The following NME5 variants were observed in gnomAD, a reference collection of about 807,000 sequenced individuals.
NME5 encodes NME/NM23 family member 5.
Under a neutral mutation model 21.6 loss-of-function variants are expected in NME5, and 18 were observed. That is an observed-to-expected ratio of 0.83 (90% confidence interval 0.58 to 1.24). The LOEUF (loss-of-function observed/expected upper bound fraction) is 1.24. NME5 is among the 50% of genes most tolerant of loss of function. The pLI, the probability that NME5 is intolerant of heterozygous loss-of-function variation, is 0.00. For synonymous variants in NME5, 70 were observed against 80.6 expected, an observed-to-expected ratio of 0.87 and a Z score of 0.71; for missense variants, 223 against 255.4, an observed-to-expected ratio of 0.87 and a Z score of 0.86.
intron 1 of NME5, 88 bp downstream of exon 1, chr5:138,139,283 G>A: frequency 1.2e-6 from 1 of 803,980 alleles, no homozygotes; most frequent in Non-Finnish European, 1.5e-6. Context: ...ATAGGGTCAG[G>A]CTAATTGAAA....
chr5:138,134,729 CT>C (rs112868350), intron 2 of NME5, among the ~76,000 whole-genome samples: 130 of 141,492 alleles, frequency 9.2e-4, no homozygotes, highest in African/African-American at 1.1e-3. Flanking sequence ...AAGTTTGTCA[CT>C]TTTTTTTTTT....
At chr5:138,137,193 G>C (rs1027319434) in intron 2 of NME5, among the ~76,000 whole-genome samples, 2 of 152,044 alleles carry the variant, frequency 1.3e-5, no homozygotes, top group Non-Finnish European at 2.9e-5. Context: ...TTATTTACCT[G>C]AGTCTTTAAT....
At chr5:138,123,985 CTTTTT>C (rs70979583) in intron 4 of NME5, among the ~76,000 whole-genome samples, 1 of 37,212 alleles carries the variant, frequency 2.7e-5, no homozygotes, top group African/African-American at 1.3e-4. Flanking sequence ...ATTTTGAGCA[CTTTTT>C]TTTTTTTTTT....
At chr5:138,129,157 A>T in intron 3 of NME5, 106 bp downstream of exon 3, 1 of 955,564 alleles carries the variant, frequency 1.0e-6, no homozygotes, top group Non-Finnish European at 1.6e-6. Context: ...ATTTTGGAAA[A>T]CTTCCAAATA....
In NME5 at chr5:138,138,795, G is replaced by A; in HGVS notation, c.-5-10C>T. Reference sequence around the variant, plus strand: ...GATATCTCCATTATGGCTTTTCAGGGCACAAATTAAGAGTTTCTTAACAGG... The same window carrying A: ...GATATCTCCATTATGGCTTTTCAGGACACAAATTAAGAGTTTCTTAACAGG... On this transcript the variant is annotated splice_polypyrimidine_tract_variant and intron_variant, in intron 1 of 5. Coordinates refer to ENST00000265191, the MANE Select transcript of NME5 (RefSeq NM_003551.3). 1.3e-6 allele frequency: 2 copies of A among 1,594,378 alleles called. No homozygotes were observed. The highest frequency in any genetic ancestry group is 1.9e-5 in the Admixed American group (1 of 53,356).
At position 138,129,442 on chromosome 5, in the gene NME5, C is replaced by T; in HGVS notation, c.156G>A (p.Glu52=). The T allele has an allele frequency of 6.2e-7, 1 of 1,613,984 alleles. No individual in the cohort carries two copies. The highest frequency in any genetic ancestry group is 8.5e-7 in the Non-Finnish European group (1 of 1,179,960). ...TTTCCACATAAAAGTTACTACATTG[C>T]TCAGGGCTGAGGCGTAGTTTTCTTC... ...VQRRKLRLSP[E]QCSNFYVEKY... is the part of the protein sequence containing the mutation. The change falls in exon 3 of 6, where the codon GAG becomes GAA. Residue 52 remains glutamate, a synonymous_variant. Coordinates refer to ENST00000265191, the MANE Select transcript of NME5 (RefSeq NM_003551.3).
At chr5:138,116,973 C>T (rs918216921) in intron 5 of NME5, among the ~76,000 whole-genome samples, 4 of 151,622 alleles carry the variant, frequency 2.6e-5, no homozygotes, top group Non-Finnish European at 4.4e-5. Flanking sequence ...TTTTGGAGGC[C>T]GAGGTAGGAA....
At chr5:138,137,286 G>GT (rs1561593183) in intron 2 of NME5, among the ~76,000 whole-genome samples, 1 of 151,740 alleles carries the variant, frequency 6.6e-6, no homozygotes, top group Admixed American at 6.6e-5. Flanking sequence ...CTGAAATTCC[G>GT]TATCTTTTCT....
Position 138,131,132 on chromosome 5 carries a change from C to T in NME5, c.130-1664G>A, listed in dbSNP as rs556352629. ...CTGTAATCCCAGCACTTTGGGAGGC[C>T]GAGGTGGGTGGATCACCTGAGGTCG... On this transcript the variant is annotated intron_variant, in intron 2 of 5. Transcript: ENST00000265191. Among the ~76,000 whole-genome samples the T allele has an allele frequency of 8.2e-5, 12 of 145,616 alleles. No homozygotes were observed. The East Asian group carries it at 1.0e-3, about 12-fold the overall frequency.
chr5:138,129,295 A>G lies in NME5; in HGVS notation c.303T>C (p.Asn101=), dbSNP rs1192018209. The G allele has an allele frequency of 6.2e-7, 1 of 1,613,810 alleles. No individual in the cohort carries two copies. Among genetic ancestry groups the G allele is most frequent in the Admixed American group, 1.7e-5 (1 of 59,988 alleles). Residue 101 remains asparagine, a synonymous_variant, in exon 3 of 6, where the codon AAT becomes AAC. Transcript: ENST00000265191. ...GATGTGTCTCCTTCGCTACTAAGCTATTATTTGGTCCCAAAAGTTCTAACC... is the reference window on the plus strand; with the variant it reads ...GATGTGTCTCCTTCGCTACTAAGCTGTTATTTGGTCCCAAAAGTTCTAACC... The part of the protein sequence containing the change: ...SYWLELLGPN[N]SLVAKETHPD...
chr5:138,138,926 G>A, intron 1 of NME5, 141 bp from the exon 2 acceptor site: 1 of 753,942 alleles, frequency 1.3e-6, no homozygotes, highest in Non-Finnish European at 2.1e-6. Flanking sequence ...ACTGATGAAG[G>A]TAGAAACTGC....
intron 4 of NME5, among the ~76,000 whole-genome samples, chr5:138,122,122 A>C (rs779438259): frequency 1.3e-5 from 2 of 152,148 alleles, no homozygotes; most frequent in Non-Finnish European, 2.9e-5. Context: ...TCAGTGTACA[A>C]GAATTGCACT....
At chr5:138,134,865 G>T (rs556725273) in intron 2 of NME5, among the ~76,000 whole-genome samples, 1 of 149,640 alleles carries the variant, frequency 6.7e-6, no homozygotes, top group Non-Finnish European at 1.5e-5. Context: ...ACAGGTGCCC[G>T]CCACTGCGCC....
At chr5:138,135,093 T>C (rs1581387533) in intron 2 of NME5, among the ~76,000 whole-genome samples, 1 of 147,934 alleles carries the variant, frequency 6.8e-6, no homozygotes, top group Non-Finnish European at 1.5e-5. Context: ...CCGAGGCAGG[T>C]GGATCACAAG....
intron 2 of NME5, among the ~76,000 whole-genome samples, chr5:138,134,667 A>C (rs998977842): frequency 6.6e-6 from 1 of 151,856 alleles, no homozygotes; most frequent in African/African-American, 2.4e-5. Context: ...GGATTGAGCC[A>C]CCACGGCCGG....
At chr5:138,126,268 T>C (rs886418914) in intron 4 of NME5, among the ~76,000 whole-genome samples, 1 of 151,926 alleles carries the variant, frequency 6.6e-6, no homozygotes, top group East Asian at 1.9e-4. Context: ...TCCCAACACT[T>C]TGGAAGGCAG....
chr5:138,127,550 T>C, intron 4 of NME5: 1 of 983,092 alleles, frequency 1.0e-6, no homozygotes, highest in Non-Finnish European at 1.2e-6. Flanking sequence ...AATAACATAC[T>C]AAAAAAATCC....
In NME5 at chr5:138,130,799, G is replaced by A. The variant is rs993938371; in HGVS notation, c.130-1331C>T. Among the ~76,000 whole-genome samples the A allele has an allele frequency of 2.0e-5, 3 of 151,860 alleles. No homozygotes were observed. The East Asian group carries it at 5.8e-4, about 30-fold the overall frequency. ...AAATTAGCCAGGTGTGGTGGCACGC[G>A]CCTGTAGTCCCAGCTACTCGGAAGG... On this transcript the variant is annotated intron_variant, in intron 2 of 5. Transcript: ENST00000265191.
chr5:138,127,593 T>TTA (rs1751453049), intron 4 of NME5: 1 of 984,598 alleles, frequency 1.0e-6, no homozygotes, highest in African/African-American at 1.7e-5. Flanking sequence ...ATTTTTTTCC[T>TTA]TATAACAAAA....
Sources: gnomAD v4.1 joint callset for allele counts (sites outside exome capture counted in the v4.1 genomes callset) on GRCh38, gnomAD v4.1.1 for gene constraint, MANE v1.5 for transcripts, NCBI Gene and HGNC (gene_info 2026-07-23, HGNC 2026-07-21) for gene names.